Variants in DNMT1 observed in about 807,000 individuals in gnomAD.
DNMT1 encodes DNA methyltransferase 1.
Under a neutral mutation model 205.3 loss-of-function variants are expected in DNMT1, and 24 were observed. The observed-to-expected ratio is 0.12, with a 90% confidence interval of 0.08 to 0.16. The LOEUF (loss-of-function observed/expected upper bound fraction) is 0.16, where lower values mean the gene tolerates loss of function less well. Among genes scored for constraint, DNMT1 ranks in the 10% least tolerant of loss-of-function variants. The pLI, the probability that DNMT1 is intolerant of heterozygous loss-of-function variation, is 1.00. For missense variants in DNMT1, 1,293 were observed against 2,177.7 expected (o/e 0.59, Z 8.09); for synonymous variants, 817 against 839.8 (o/e 0.97, Z 0.47).
intron 1 of DNMT1, among the ~76,000 whole-genome samples, chr19:10,185,298 G>A (rs897384410): frequency 2.0e-5 from 3 of 151,914 alleles, no homozygotes; most frequent in South Asian, 2.1e-4. Context: ...GGTGGTGGGC[G>A]CCTGTAGTCC....
chr19:10,174,025 A>G (rs917884465), intron 7 of DNMT1, 120 bp from the exon 8 acceptor site: 3 of 1,015,932 alleles, frequency 3.0e-6, no homozygotes, highest in Non-Finnish European at 4.6e-6. Context: ...GAGTGGGAAA[A>G]GAAGGGGCCT....
At chr19:10,192,638 A>G (rs571874614) in intron 1 of DNMT1, among the ~76,000 whole-genome samples, 1 of 152,246 alleles carries the variant, frequency 6.6e-6, no homozygotes, top group Admixed American at 6.5e-5. Flanking sequence ...GCCGGGCCCA[A>G]ACTTCTCTGA....
intron 9 of DNMT1, among the ~76,000 whole-genome samples, chr19:10,170,242 G>A (rs1327961393): frequency 4.0e-5 from 6 of 151,516 alleles, no homozygotes; most frequent in African/African-American, 7.3e-5. Flanking sequence ...CTAAAATTGC[G>A]CCACTTCACT....
chr19:10,155,155 CTA>C, intron 19 of DNMT1, 99 bp from the exon 20 acceptor site: 2 of 1,500,170 alleles, frequency 1.3e-6, no homozygotes, highest in South Asian at 2.3e-5. Context: ...ACCCAACAGT[CTA>C]AAAGTCATCC....
rs202197460 is a variant in DNMT1 at position 10,183,073 on chromosome 19, A to ATG, written c.81-998_81-997dup. Among the ~76,000 whole-genome samples, 306 of 147,314 alleles carry ATG rather than the reference A, an allele frequency of 2.1e-3. 7 individuals are homozygous for ATG. The South Asian group carries it at 0.027, about 13-fold the overall frequency. On this transcript the variant is annotated intron_variant, in intron 1 of 40. Coordinates refer to ENST00000359526, the MANE Select transcript of DNMT1 (RefSeq NM_001130823.3). ...TATACATACGTATATATGTATACATATGTGTGTGTATATATATATACACGT... is the reference window on the plus strand; with the variant it reads ...TATACATACGTATATATGTATACATATGTGTGTGTGTATATATATATACACGT...
intron 40 of DNMT1, 83 bp downstream of exon 40, chr19:10,134,134 A>G: frequency 6.6e-7 from 1 of 1,508,414 alleles, no homozygotes; most frequent in South Asian, 1.1e-5. Flanking sequence ...CCCAGAGCCC[A>G]AAACGGTGGC....
chr19:10,149,310 A>T (rs916603798), intron 26 of DNMT1, 143 bp downstream of exon 26: 1 of 1,113,352 alleles, frequency 9.0e-7, no homozygotes, highest in Non-Finnish European at 1.3e-6. Context: ...GGGCAACAAG[A>T]GCGAAACTCA....
chr19:10,182,391 A>G lies in DNMT1; in HGVS notation c.81-314T>C, dbSNP rs147017388. On this transcript the variant is annotated intron_variant, in intron 1 of 40. Transcript: ENST00000359526. ...TGTGTGTGTATATATATACATATAT[A>G]TGTGTATATATATACATATATATGT... 4.9e-4 allele frequency among the ~76,000 whole-genome samples: 43 copies of G among 88,636 alleles called. 1 individual carries two copies. The highest frequency in any genetic ancestry group is 6.3e-3 in the Middle Eastern group (1 of 158). 58.1% of individuals were successfully genotyped at this position (88,636 alleles called of 152,430 possible).
intron 37 of DNMT1, 24 bp from the exon 38 acceptor site, chr19:10,136,311 G>A: frequency 6.2e-7 from 1 of 1,613,052 alleles, no homozygotes; most frequent in South Asian, 1.1e-5. Flanking sequence ...CAGTGATGAG[G>A]CTGCAGTTGT....
rs1041610843 is a variant in DNMT1 at position 10,186,079 on chromosome 19, C to T, written c.81-4002G>A. On this transcript the variant is annotated intron_variant, in intron 1 of 40. Coordinates refer to ENST00000359526, the MANE Select transcript of DNMT1 (RefSeq NM_001130823.3). Reference sequence around the variant, plus strand: ...AACTGGAAGGACATGGCTTCTACCTCGACCAAGCCAGCCAGTCCCCTGATC... The same window carrying T: ...AACTGGAAGGACATGGCTTCTACCTTGACCAAGCCAGCCAGTCCCCTGATC... Among the ~76,000 whole-genome samples the T allele has an allele frequency of 1.3e-5, 2 of 152,112 alleles. 1 individual carries two copies. Among genetic ancestry groups the T allele is most frequent in the South Asian group, 4.1e-4 (2 of 4,834 alleles).
rs2145260097 is a variant in DNMT1 at position 10,138,413 on chromosome 19, G to A, written c.4115+26C>T. On this transcript the variant is annotated intron_variant, in intron 35 of 40. Coordinates refer to ENST00000359526, the MANE Select transcript of DNMT1 (RefSeq NM_001130823.3). This position sits in a 1 kb window ranked among gnomAD's most constrained non-coding sequence, Gnocchi z 4.1. ...GCTACTGAGGCCTGCTCGGCAGTGT[G>A]TGGAGGAGCGACGGGGGCCACCTAC... is the stretch of plus-strand genomic sequence containing the variant. 1.2e-6 allele frequency: 2 copies of A among 1,613,710 alleles called. No homozygotes were observed. Among genetic ancestry groups the A allele is most frequent in the Non-Finnish European group, 8.5e-7 (1 of 1,180,034 alleles).
intron 9 of DNMT1, among the ~76,000 whole-genome samples, chr19:10,170,426 G>T (rs1361528905): frequency 1.3e-5 from 2 of 152,256 alleles, no homozygotes; most frequent in East Asian, 3.9e-4. Context: ...ATCACCTGGG[G>T]TCAGGAGTTC....
At chr19:10,148,326 C>G (rs1167467838) in intron 27 of DNMT1, among the ~76,000 whole-genome samples, 2 of 149,604 alleles carry the variant, frequency 1.3e-5, no homozygotes, top group East Asian at 4.0e-4. Flanking sequence ...GAAACCTCGT[C>G]TCTACTAAAA....
rs776977277 is a variant in DNMT1, at chr19:10,151,393, G to T, written c.2265+5C>A. 5.0e-6 allele frequency: 8 copies of T among 1,612,716 alleles called. No individual in the cohort carries two copies. The East Asian group carries it at 6.7e-5, about 13-fold the overall frequency. Reference sequence around the variant, plus strand: ...GTGAGCTGACCAAGGGGCTCCAAGGGTTACCTTGACGGCTTCTCCGACCCA... The same window carrying T: ...GTGAGCTGACCAAGGGGCTCCAAGGTTTACCTTGACGGCTTCTCCGACCCA... On this transcript the variant is annotated splice_donor_5th_base_variant and intron_variant, in intron 24 of 40. Transcript: ENST00000359526. The surrounding 1 kb of genome is among the most constrained non-coding windows in gnomAD (Gnocchi z 5.0).
chr19:10,170,420 C>A (rs923967334), intron 9 of DNMT1, among the ~76,000 whole-genome samples: 1 of 152,102 alleles, frequency 6.6e-6, no homozygotes, highest in African/African-American at 2.4e-5. Flanking sequence ...GGGTGGATCA[C>A]CTGGGGTCAG....
intron 30 of DNMT1, chr19:10,141,676 C>T (rs926187695): frequency 5.8e-6 from 2 of 343,046 alleles, no homozygotes; most frequent in Admixed American, 4.6e-5. Context: ...GGAGCAGGGG[C>T]ACCTTCTCCA....
chr19:10,180,985 G>T, intron 2 of DNMT1, 100 bp from the exon 3 acceptor site: 1 of 924,188 alleles, frequency 1.1e-6, no homozygotes, highest in Non-Finnish European at 1.8e-6. Flanking sequence ...ATCACAATGA[G>T]TGAATGGCAG....
chr19:10,134,153 G>A (rs1334297560), intron 40 of DNMT1, 64 bp downstream of exon 40: 12 of 1,578,996 alleles, frequency 7.6e-6, no homozygotes, highest in Non-Finnish European at 1.0e-5. Context: ...GCCAGCAACT[G>A]CCCCCACATG....
chr19:10,176,669 C>T (rs928724476), intron 6 of DNMT1, among the ~76,000 whole-genome samples: 7 of 152,038 alleles, frequency 4.6e-5, no homozygotes, highest in Non-Finnish European at 1.5e-5. Context: ...ACCAGTCTGG[C>T]CAACATAGTG....
Sources: allele counts gnomAD v4.1 joint callset (sites outside exome capture counted in the v4.1 genomes callset), GRCh38; gene constraint gnomAD v4.1.1; non-coding constraint Gnocchi (gnomAD v3.1); transcripts MANE v1.5; gene names NCBI Gene and HGNC (gene_info 2026-07-23, HGNC 2026-07-21).